Variants in CBY3 observed in about 807,000 individuals in gnomAD.
CBY3 encodes the protein sperm annulus positioning complex subunit Chibby3.
A neutral mutation model predicts 3.0 loss-of-function variants in CBY3; 7 were observed. The ratio of observed to expected loss-of-function variants is 2.32; its 90% confidence interval spans 1.32 to 4.35. The LOEUF is 4.35. Among genes scored for constraint, CBY3 ranks in the 30% most tolerant of loss-of-function variants. The pLI, the probability that CBY3 is intolerant of heterozygous loss-of-function variation, is 0.00. For missense variants in CBY3, 400 were observed against 336.4 expected, an observed-to-expected ratio of 1.19 and a Z score of -1.48; for synonymous variants, 170 against 154.5, an observed-to-expected ratio of 1.10 and a Z score of -0.74.
Position 179,678,683 on chromosome 5 carries a change from G to C in CBY3, c.629C>G (p.Pro210Arg). Residue 210 changes from proline to arginine, a missense_variant, in exon 2 of 2, where the codon CCG (proline) becomes CGG (arginine). Pro to Arg is a moderately radical substitution (Grantham distance 103). Coordinates refer to ENST00000376974, the MANE Select transcript of CBY3 (RefSeq NM_001164444.2). ...CTGCCCGGCGCGCGCCGCAGCCGTC[G>C]GGATCACCTCGGGGTTGCGCTGCTT... ...LEKQRNPEVIPTAAARAGQRK... is the reference protein window; with the variant it reads ...LEKQRNPEVIRTAAARAGQRK... The C allele has an allele frequency of 1.3e-6, 2 of 1,536,100 alleles. No individual in the cohort carries two copies. Among genetic ancestry groups the C allele is most frequent in the Middle Eastern group, 1.7e-4 (1 of 5,984 alleles).
chr5:179,680,998 A>G lies in CBY3; in HGVS notation c.-80T>C. On this transcript the variant is annotated 5_prime_UTR_variant, in exon 1 of 2. Transcript: ENST00000376974. ...CACTGTATGTTGTGCCTCACCTGGA[A>G]GATGGGGTGGAGTTGCTGAGCTGCT... 7.7e-7 allele frequency: 1 copy of G among 1,299,282 alleles called. No homozygotes were observed. The highest frequency in any genetic ancestry group is 1.1e-6 in the Non-Finnish European group (1 of 933,582). 80.5% of individuals were successfully genotyped at this position (1,299,282 alleles called of 1,614,324 possible).
At position 179,678,592 on chromosome 5, in the gene CBY3, G is replaced by C. The variant is rs1230526172; in HGVS notation, c.720C>G (p.Asp240Glu). ...GVLMIQPCAL[D>E]SQ is the part of the protein sequence containing the mutation. ...CGCGGCCTTTATTGCGTCACTGCGA[G>C]TCCAGAGCGCACGGCTGGATCATGA... The change falls in exon 2 of 2, where the codon GAC (aspartate) becomes GAG (glutamate). Residue 240 changes from aspartate (D) to glutamate (E), a missense_variant. Asp to Glu is a conservative substitution (Grantham distance 45). Coordinates refer to ENST00000376974, the MANE Select transcript of CBY3 (RefSeq NM_001164444.2). 2.6e-6 allele frequency: 4 copies of C among 1,512,734 alleles called. No homozygotes were observed. Among genetic ancestry groups the C allele is most frequent in the Non-Finnish European group, 3.5e-6 (4 of 1,131,530 alleles). The allele number at this position is 1,512,734 out of a possible 1,614,324, so 93.7% of individuals were successfully genotyped here.
intron 1 of CBY3, among the ~76,000 whole-genome samples, chr5:179,680,632 A>G (rs1437395803): frequency 3.3e-5 from 5 of 152,166 alleles, no homozygotes; most frequent in Non-Finnish European, 7.3e-5. Context: ...CAGGAAGTCC[A>G]AAGTCCAGAT....
rs898840513 is a variant in CBY3 at position 179,679,158 on chromosome 5, G to T, written c.154C>A (p.Pro52Thr). 6.5e-7 allele frequency: 1 copy of T among 1,535,424 alleles called. No individual in the cohort carries two copies. The highest frequency in any genetic ancestry group is 8.7e-7 in the Non-Finnish European group (1 of 1,146,844). ...GTTGCCAGGGCGTGGACCTTGTAGG[G>T]CACGCAGGTGCTCGAAGGGGAGCCT... Reference protein sequence around the residue: ...SRGSPSSTCVPYKVHALATFE... With the variant: ...SRGSPSSTCVTYKVHALATFE... Residue 52 changes from proline to threonine, a missense_variant, in exon 2 of 2, where the codon CCC (proline) becomes ACC (threonine). Pro to Thr is a conservative substitution (Grantham distance 38, BLOSUM62 -1). Transcript: ENST00000376974.
rs1343022155 is a variant in CBY3 at position 179,680,885 on chromosome 5, C to CTAGA, written c.33_34insTCTA (p.Asp12SerfsTer132). ...GGATGGTACATACCATCCCCAAGAT[C>CTAGA]TGGTTCAGGGAGATGGTCTCTGGAA... On this transcript the variant is annotated frameshift_variant, in exon 1 of 2. Coordinates refer to ENST00000376974, the MANE Select transcript of CBY3 (RefSeq NM_001164444.2). LOFTEE classifies it low-confidence loss of function (END_TRUNC). 3 of 1,536,832 alleles carry CTAGA rather than the reference C, an allele frequency of 2.0e-6. No individual in the cohort carries two copies. In the Admixed American group the frequency reaches 5.9e-5, roughly 30 times the overall value.
Position 179,678,960 on chromosome 5 carries a change from G to A in CBY3, c.352C>T (p.Leu118Phe). The stretch of plus-strand genomic sequence containing the variant: ...CGCATGCACGGCGCGCCGTAGGCGA[G>A]GCCCAGCTCGGCCTGGCGCGTGTTG... ...DHNTRQAELG[L>F]AYGAPCMRLS... Residue 118 changes from leucine to phenylalanine, a missense_variant, in exon 2 of 2, where the codon CTC becomes TTC. Physicochemically the swap from Leu to Phe is conservative, Grantham distance 22. Coordinates refer to ENST00000376974, the MANE Select transcript of CBY3 (RefSeq NM_001164444.2). 6.5e-7 allele frequency: 1 copy of A among 1,535,694 alleles called. No homozygotes were observed.
In CBY3 at chr5:179,678,671, G is replaced by A; in HGVS notation, c.641C>T (p.Ala214Val). The change falls in exon 2 of 2, where the codon GCG becomes GTG. Residue 214 changes from alanine (A) to valine (V), a missense_variant. Ala to Val is a moderately conservative substitution (Grantham distance 64, BLOSUM62 0). Coordinates refer to ENST00000376974, the MANE Select transcript of CBY3 (RefSeq NM_001164444.2). ...GCGCATCTTCCTCTGCCCGGCGCGCGCCGCAGCCGTCGGGATCACCTCGGG... is the reference window on the plus strand; with the variant it reads ...GCGCATCTTCCTCTGCCCGGCGCGCACCGCAGCCGTCGGGATCACCTCGGG... The part of the protein sequence containing the change: ...RNPEVIPTAA[A>V]RAGQRKMRKR... The A allele has an allele frequency of 2.0e-6, 3 of 1,535,584 alleles. No individual in the cohort carries two copies. Among genetic ancestry groups the A allele is most frequent in the Non-Finnish European group, 2.6e-6 (3 of 1,145,922 alleles).
At position 179,679,126 on chromosome 5, in the gene CBY3, C is replaced by T. The variant is rs780461887; in HGVS notation, c.186G>A (p.Glu62=). The T allele has an allele frequency of 6.5e-5, 100 of 1,535,586 alleles. 1 individual carries two copies. In the South Asian group the frequency reaches 9.2e-4, roughly 14 times the overall value. The part of the protein sequence containing the change: ...PYKVHALATF[E]CSATSHASRL... ...GGCTGGCATGGCTCGTAGCCGAGCACTCGAAGGTTGCCAGGGCGTGGACCT... is the reference window on the plus strand; with the variant it reads ...GGCTGGCATGGCTCGTAGCCGAGCATTCGAAGGTTGCCAGGGCGTGGACCT... The change falls in exon 2 of 2, where the codon GAG becomes GAA. Residue 62 remains glutamate (E), a synonymous_variant. Coordinates refer to ENST00000376974, the MANE Select transcript of CBY3 (RefSeq NM_001164444.2).
intron 1 of CBY3, among the ~76,000 whole-genome samples, chr5:179,680,317 A>G (rs1776030047): frequency 6.6e-6 from 1 of 152,138 alleles, no homozygotes; most frequent in Non-Finnish European, 1.5e-5. Context: ...TCTGAAAGCA[A>G]TCTGGGAGGA....
At chr5:179,679,958 CTTTTTTTTTTTT>C (rs34916199) in intron 1 of CBY3, among the ~76,000 whole-genome samples, 4 of 59,374 alleles carry the variant, frequency 6.7e-5, no homozygotes, top group South Asian at 1.5e-3. Context: ...TGCGCCTGGC[CTTTTTTTTTTTT>C]TTTTTTTTTT....
At chr5:179,680,802 G>T in intron 1 of CBY3, 71 bp downstream of exon 1, 1 of 1,280,690 alleles carries the variant, frequency 7.8e-7, no homozygotes. Context: ...GGTTCCCTCT[G>T]TTATGCCTTC....
At chr5:179,680,624 G>A (rs1208854528) in intron 1 of CBY3, among the ~76,000 whole-genome samples, 1 of 152,066 alleles carries the variant, frequency 6.6e-6, no homozygotes, top group East Asian at 1.9e-4. Context: ...TGTGCCCTCA[G>A]GAAGTCCAAA....
At position 179,680,881 on chromosome 5, in the gene CBY3, A is replaced by G. The variant is rs1776046855; in HGVS notation, c.38T>C (p.Leu13Pro). Reference protein sequence around the residue: ...ASRDHLPEPDLGDAAPPGSPS... With the variant: ...ASRDHLPEPDPGDAAPPGSPS... ...GGCTGGATGGTACATACCATCCCCA[A>G]GATCTGGTTCAGGGAGATGGTCTCT... The change falls in exon 1 of 2, where the codon CTT becomes CCT. Residue 13 changes from leucine to proline, a missense_variant. Leu to Pro is a moderately conservative substitution (Grantham distance 98). Transcript: ENST00000376974. The G allele has an allele frequency of 1.3e-6, 2 of 1,536,794 alleles. No individual in the cohort carries two copies. Among genetic ancestry groups the G allele is most frequent in the Non-Finnish European group, 1.7e-6 (2 of 1,146,630 alleles).
In CBY3 at chr5:179,680,868, C is replaced by G. The variant is rs1313804123; in HGVS notation, c.46+5G>C. On this transcript the variant is annotated splice_donor_5th_base_variant and intron_variant, in intron 1 of 1. Transcript: ENST00000376974. ...ATAGGTGGACAGAGGCTGGATGGTA[C>G]ATACCATCCCCAAGATCTGGTTCAG... 1 of 1,534,090 alleles carries G rather than the reference C, an allele frequency of 6.5e-7. No individual in the cohort carries two copies. Among genetic ancestry groups the G allele is most frequent in the Admixed American group, 2.0e-5 (1 of 50,976 alleles).
In CBY3 at chr5:179,678,615, T is replaced by C. The variant is rs569095817; in HGVS notation, c.697A>G (p.Met233Val). 9.8e-6 allele frequency: 15 copies of C among 1,530,534 alleles called. No homozygotes were observed. The highest frequency in any genetic ancestry group is 6.9e-5 in the African/African-American group (5 of 72,926). The allele number at this position is 1,530,534 out of a possible 1,614,324, so 94.8% of individuals were successfully genotyped here. A position where few individuals can be genotyped will look rare whatever the true frequency, so the allele number is the denominator to read the frequency against. Reference sequence around the variant, plus strand: ...GAGTCCAGAGCGCACGGCTGGATCATGAGCACGCCCGCGCTGGCGCCTGCG... The same window carrying C: ...GAGTCCAGAGCGCACGGCTGGATCACGAGCACGCCCGCGCTGGCGCCTGCG... ...KRAGASAGVL[M>V]IQPCALDSQ The change falls in exon 2 of 2, where the codon ATG (methionine) becomes GTG (valine). Residue 233 changes from methionine (M) to valine (V), a missense_variant. By Grantham distance (21) the Met-to-Val change is conservative. Transcript: ENST00000376974.
chr5:179,680,963 C>G lies in CBY3; in HGVS notation c.-45G>C. ...TGTATCTTCTCGGAGGATGTTTCCC[C>G]GTTAGTCCTCACTGTATGTTGTGCC... is the stretch of plus-strand genomic sequence containing the variant. On this transcript the variant is annotated 5_prime_UTR_variant, in exon 1 of 2. Transcript: ENST00000376974. 6.7e-7 allele frequency: 1 copy of G among 1,495,548 alleles called. No individual in the cohort carries two copies. Among genetic ancestry groups the G allele is most frequent in the African/African-American group, 1.4e-5 (1 of 72,228 alleles). 92.6% of individuals were successfully genotyped at this position (1,495,548 alleles called of 1,614,324 possible).
At position 179,678,709 on chromosome 5, in the gene CBY3, C is replaced by G. The variant is rs562797198; in HGVS notation, c.603G>C (p.Glu201Asp). The stretch of plus-strand genomic sequence containing the variant: ...GGATCACCTCGGGGTTGCGCTGCTT[C>G]TCCAGCAAGTGCATGCGCGCCATGG... Reference protein sequence around the residue: ...TETMARMHLLEKQRNPEVIPT... With the variant: ...TETMARMHLLDKQRNPEVIPT... The change falls in exon 2 of 2, where the codon GAG (glutamate) becomes GAC (aspartate). Residue 201 changes from glutamate to aspartate, a missense_variant. By Grantham distance (45) the Glu-to-Asp change is conservative. Transcript: ENST00000376974. 2.3e-5 allele frequency: 35 copies of G among 1,536,952 alleles called. No homozygotes were observed. Among genetic ancestry groups the G allele is most frequent in the Non-Finnish European group, 3.1e-5 (35 of 1,146,714 alleles).
At chr5:179,679,957 CCTTTT>C (rs1776017445) in intron 1 of CBY3, among the ~76,000 whole-genome samples, 1 of 112,886 alleles carries the variant, frequency 8.9e-6, no homozygotes, top group African/African-American at 3.3e-5. Context: ...CTGCGCCTGG[CCTTTT>C]TTTTTTTTTT....
chr5:179,679,358 GGCTGCGGCTGTGTCTCACCA>G, intron 1 of CBY3, 93 bp from the exon 2 acceptor site: 1 of 1,105,524 alleles, frequency 9.0e-7, no homozygotes, highest in African/African-American at 1.6e-5. Context: ...CTGCAGCTAC[GGCTGCGGCTGTGTCTCACCA>G]GCTGCTGGCC....
Sources: allele counts gnomAD v4.1 joint callset (sites outside exome capture counted in the v4.1 genomes callset), GRCh38; gene constraint gnomAD v4.1.1; transcripts MANE v1.5; gene names NCBI Gene and HGNC (gene_info 2026-07-23, HGNC 2026-07-21).